RABGAP1L: variants seen among roughly 807,000 people sequenced by gnomAD.
The protein encoded by RABGAP1L is RAB GTPase activating protein 1 like, also known as rab GTPase-activating protein 1-like.
Under a neutral mutation model 137.7 loss-of-function variants are expected in RABGAP1L, and 63 were observed. The observed-to-expected ratio is 0.46, with a 90% CI of 0.37 to 0.56. RABGAP1L has a LOEUF of 0.56. RABGAP1L is among the 20% of genes least tolerant of loss of function. The probability of loss-of-function intolerance (pLI) is 0.00; values close to 1 mark genes in which losing one functional copy is unlikely to be tolerated. For missense variants in RABGAP1L, 1,095 were observed against 1,244.0 expected (o/e 0.88, Z 1.80); for synonymous variants, 431 against 433.7 (o/e 0.99, Z 0.08).
At chr1:174,386,752 C>T in intron 12 of RABGAP1L, among the ~76,000 whole-genome samples, 1 of 152,068 alleles carries the variant, frequency 6.6e-6, no homozygotes, top group Non-Finnish European at 1.5e-5. Context: ...CATGATCTGC[C>T]TGCCTTGGCC....
intron 19 of RABGAP1L, among the ~76,000 whole-genome samples, chr1:174,894,867 C>T (rs1404314151): frequency 6.6e-6 from 1 of 152,160 alleles, no homozygotes; most frequent in Non-Finnish European, 1.5e-5. Flanking sequence ...AGCCATTCTC[C>T]TGCCTCAGCC....
At chr1:174,282,455 T>G (rs570334075) in intron 10 of RABGAP1L, among the ~76,000 whole-genome samples, 4 of 152,272 alleles carry the variant, frequency 2.6e-5, no homozygotes, top group Non-Finnish European at 2.9e-5. Context: ...ATGTCTAAAA[T>G]TTTTGTCCAC....
At chr1:174,246,744 T>TG (rs1031366424) in intron 5 of RABGAP1L, among the ~76,000 whole-genome samples, 21 of 152,182 alleles carry the variant, frequency 1.4e-4, no homozygotes, top group Admixed American at 1.2e-3. Context: ...CTGGGAGTTT[T>TG]GGGGGGTCCT....
intron 10 of RABGAP1L, among the ~76,000 whole-genome samples, chr1:174,301,577 G>C (rs1228151124): frequency 6.6e-6 from 1 of 151,758 alleles, no homozygotes; most frequent in African/African-American, 2.4e-5. Context: ...AGAAGAATAG[G>C]ATCACGCTGA....
chr1:174,788,062 A>G lies in RABGAP1L; in HGVS notation c.2212-23770A>G, dbSNP rs974207588. Among the ~76,000 whole-genome samples, 22 of 152,346 alleles carry G rather than the reference A, an allele frequency of 1.4e-4. 1 individual carries two copies. The highest frequency in any genetic ancestry group is 7.7e-4 in the East Asian group (4 of 5,186). ...GAGAAAGAAGCTTACTAGACCTTACATGTTCTCACTTATGGCATTTAGTGA... is the reference window on the plus strand; with the variant it reads ...GAGAAAGAAGCTTACTAGACCTTACGTGTTCTCACTTATGGCATTTAGTGA... On this transcript the variant is annotated intron_variant, in intron 18 of 25. Transcript: ENST00000681986.
At chr1:174,894,002 G>T (rs1373944048) in intron 19 of RABGAP1L, among the ~76,000 whole-genome samples, 1 of 152,194 alleles carries the variant, frequency 6.6e-6, no homozygotes, top group African/African-American at 2.4e-5. Flanking sequence ...TTACACTGGA[G>T]GGTGGGCTGG....
chr1:174,794,778 A>T (rs1014317624), intron 18 of RABGAP1L, among the ~76,000 whole-genome samples: 4 of 152,170 alleles, frequency 2.6e-5, no homozygotes, highest in Non-Finnish European at 5.9e-5. Flanking sequence ...TATAGTGTCC[A>T]TCACACCCTA....
At chr1:174,802,970 C>G (rs1688895439) in intron 18 of RABGAP1L, among the ~76,000 whole-genome samples, 1 of 152,178 alleles carries the variant, frequency 6.6e-6, no homozygotes, top group Non-Finnish European at 1.5e-5. Context: ...TGTAAAACAT[C>G]TCTTTACCTT....
At chr1:174,439,213 C>T (rs898049553) in intron 13 of RABGAP1L, among the ~76,000 whole-genome samples, 12 of 152,044 alleles carry the variant, frequency 7.9e-5, no homozygotes, top group Non-Finnish European at 1.2e-4. Flanking sequence ...TGTAGGTTTT[C>T]CCATAAAGTG....
chr1:174,198,768 G>A (rs1033875651), intron 1 of RABGAP1L, among the ~76,000 whole-genome samples: 7 of 152,178 alleles, frequency 4.6e-5, no homozygotes, highest in African/African-American at 1.7e-4. Flanking sequence ...ACAACTAGCA[G>A]GTGTCTTGGC....
intron 13 of RABGAP1L, among the ~76,000 whole-genome samples, chr1:174,425,084 T>C (rs1029763440): frequency 6.6e-6 from 1 of 152,038 alleles, no homozygotes; most frequent in East Asian, 1.9e-4. Flanking sequence ...AACTATAGCA[T>C]TGGGAATCTT....
intron 11 of RABGAP1L, among the ~76,000 whole-genome samples, chr1:174,330,550 A>C (rs1680943912): frequency 6.6e-6 from 1 of 152,090 alleles, no homozygotes; most frequent in South Asian, 2.1e-4. Context: ...GTGCCACTGC[A>C]CTCCACCCTG....
intron 13 of RABGAP1L, among the ~76,000 whole-genome samples, chr1:174,550,881 T>TAC (rs1293299158): frequency 2.0e-4 from 14 of 70,122 alleles, no homozygotes; most frequent in East Asian, 9.9e-4. Flanking sequence ...TATATATATA[T>TAC]ATATATATAT....
At chr1:174,233,600 A>G (rs1267403967) in intron 4 of RABGAP1L, among the ~76,000 whole-genome samples, 1 of 139,150 alleles carries the variant, frequency 7.2e-6, no homozygotes, top group Non-Finnish European at 1.5e-5. Context: ...TGAACTCATC[A>G]TTTTTTATGG....
chr1:174,343,879 G>A (rs1682202590), intron 11 of RABGAP1L, among the ~76,000 whole-genome samples: 2 of 152,120 alleles, frequency 1.3e-5, no homozygotes, highest in African/African-American at 4.8e-5. Flanking sequence ...AATCCATCCT[G>A]TTTGAGGGGA....
At chr1:174,793,085 T>C (rs1003832913) in intron 18 of RABGAP1L, among the ~76,000 whole-genome samples, 5 of 151,888 alleles carry the variant, frequency 3.3e-5, no homozygotes, top group African/African-American at 1.2e-4. Flanking sequence ...TGAGCCAAGA[T>C]TATGCCACTG....
rs148901840 is a variant in RABGAP1L at position 174,937,619 on chromosome 1, A to AATATAT, written c.2341-19827_2341-19822dup. Among the ~76,000 whole-genome samples, 19 of 109,666 alleles carry AATATAT rather than the reference A, an allele frequency of 1.7e-4. 1 individual carries two copies. The highest frequency in any genetic ancestry group is 4.1e-3 in the Middle Eastern group (1 of 244). 71.9% of individuals were successfully genotyped at this position (109,666 alleles called of 152,430 possible). ...ATTTTTAAATAGCAATACTTCATTA[A>AATATAT]ATATATATATATATATCTTGCAGTT... On this transcript the variant is annotated intron_variant, in intron 19 of 25. Transcript: ENST00000681986.
chr1:174,504,284 C>A (rs1458667237), intron 13 of RABGAP1L, among the ~76,000 whole-genome samples: 1 of 151,756 alleles, frequency 6.6e-6, no homozygotes, highest in Non-Finnish European at 1.5e-5. Context: ...GACTCAACAC[C>A]CTTTATCAAA....
chr1:174,548,311 C>T, intron 13 of RABGAP1L: 1 of 1,226,244 alleles, frequency 8.2e-7, no homozygotes, highest in Non-Finnish European at 1.0e-6. Flanking sequence ...CTTAATTTAT[C>T]CATTTGTAAA....
Sources: gnomAD v4.1 joint callset for allele counts (sites outside exome capture counted in the v4.1 genomes callset) on GRCh38, gnomAD v4.1.1 for gene constraint, MANE v1.5 for transcripts, NCBI Gene and HGNC (gene_info 2026-07-23, HGNC 2026-07-21) for gene names.